The following NLRP5 variants were observed in gnomAD, a reference collection of about 807,000 sequenced individuals.
NLRP5 encodes NACHT, LRR and PYD domains-containing protein 5.
NLRP5 carries 93 observed loss-of-function variants against 113.1 expected under a neutral mutation model. The observed-to-expected ratio is 0.82, with a 90% CI of 0.70 to 0.98. The LOEUF is 0.98. NLRP5 is among the 50% of genes least tolerant of loss of function. The probability of loss-of-function intolerance (pLI) is 0.00; values close to 1 mark genes in which losing one functional copy is unlikely to be tolerated. For synonymous variants in NLRP5, 751 were observed against 600.7 expected (o/e 1.25, Z -3.66); for missense variants, 1,808 against 1,514.3 (o/e 1.19, Z -3.22).
intron 11 of NLRP5, among the ~76,000 whole-genome samples, chr19:56,041,392 T>C (rs1249275300): frequency 1.3e-5 from 2 of 152,184 alleles, no homozygotes; most frequent in African/African-American, 4.8e-5. Flanking sequence ...ATGGAGCCAT[T>C]GCCCCTGGGA....
upstream of NLRP5, among the ~76,000 whole-genome samples, chr19:55,999,039 C>G (rs1230268755): frequency 6.6e-6 from 1 of 151,668 alleles, no homozygotes; most frequent in African/African-American, 2.4e-5. Context: ...CAGGGGATCC[C>G]TAAAACTCAT....
At chr19:55,998,688 A>ATATATATATATGTGTGTGTGTGTG (rs1981440695), upstream of NLRP5, among the ~76,000 whole-genome samples, 2 of 50,294 alleles carry the variant, frequency 4.0e-5, no homozygotes, top group African/African-American at 2.0e-4. Flanking sequence ...ATATATATAT[A>ATATATATATATGTGTGTGTGTGTG]TATATATATA....
intron 7 of NLRP5, among the ~76,000 whole-genome samples, chr19:56,030,914 A>G (rs1198367281): frequency 1.3e-5 from 2 of 151,564 alleles, no homozygotes; most frequent in Non-Finnish European, 2.9e-5. Context: ...GGGTTTCACC[A>G]TATTGGCCAG....
intron 13 of NLRP5, among the ~76,000 whole-genome samples, chr19:56,054,660 C>G (rs1057496284): frequency 1.3e-5 from 2 of 151,678 alleles, no homozygotes; most frequent in Non-Finnish European, 2.9e-5. Flanking sequence ...CACAAAAGGT[C>G]ACCTGGTGTA....
upstream of NLRP5, among the ~76,000 whole-genome samples, chr19:55,999,212 C>CTTT (rs906346601): frequency 0.063 from 7,021 of 111,640 alleles, 364 homozygotes; most frequent in South Asian, 0.079. Context: ...TTTTCTTTTT[C>CTTT]TTTTTTTTTT....
At chr19:56,055,809 T>A (rs990015747) in intron 13 of NLRP5, among the ~76,000 whole-genome samples, 1 of 152,098 alleles carries the variant, frequency 6.6e-6, no homozygotes, top group African/African-American at 2.4e-5. Flanking sequence ...CCTCCCAAAG[T>A]GCTGGGATTA....
intron 2 of NLRP5, among the ~76,000 whole-genome samples, chr19:56,006,416 A>G (rs1981914502): frequency 7.0e-6 from 1 of 142,592 alleles, no homozygotes; most frequent in African/African-American, 2.7e-5. Flanking sequence ...CTAGAACTTA[A>G]AGTATAATTT....
chr19:56,039,447 G>A (rs1983436953), intron 10 of NLRP5, among the ~76,000 whole-genome samples: 1 of 152,176 alleles, frequency 6.6e-6, no homozygotes, highest in African/African-American at 2.4e-5. Flanking sequence ...TCAGCAGTGA[G>A]ACATCCAGGC....
intron 3 of NLRP5, among the ~76,000 whole-genome samples, chr19:56,012,686 T>C (rs1027739533): frequency 8.6e-5 from 13 of 151,900 alleles, no homozygotes; most frequent in Non-Finnish European, 1.6e-4. Flanking sequence ...GGAACGATCT[T>C]ACAATTATTT....
At chr19:56,022,523 C>G (rs1400821294) in intron 6 of NLRP5, among the ~76,000 whole-genome samples, 1 of 152,078 alleles carries the variant, frequency 6.6e-6, no homozygotes, top group Non-Finnish European at 1.5e-5. Flanking sequence ...GCCACTACGC[C>G]CAGCCAATCC....
At chr19:56,058,653 C>T (rs1474171884) in intron 14 of NLRP5, among the ~76,000 whole-genome samples, 2 of 152,156 alleles carry the variant, frequency 1.3e-5, no homozygotes, top group Admixed American at 1.3e-4. Context: ...GGGAAGGGCA[C>T]AGAAAGAACG....
upstream of NLRP5, among the ~76,000 whole-genome samples, chr19:55,999,212 C>CA (rs1047561681): frequency 2.7e-5 from 3 of 111,714 alleles, no homozygotes; most frequent in Non-Finnish European, 5.3e-5. Context: ...TTTTCTTTTT[C>CA]TTTTTTTTTT....
chr19:56,004,396 G>T (rs903778368), intron 2 of NLRP5, among the ~76,000 whole-genome samples: 19 of 152,188 alleles, frequency 1.2e-4, no homozygotes, highest in African/African-American at 4.1e-4. Flanking sequence ...CGGGTCGGTT[G>T]TGAGACTTCG....
chr19:56,019,078 G>A (rs898672105), intron 4 of NLRP5, among the ~76,000 whole-genome samples: 8 of 152,114 alleles, frequency 5.3e-5, no homozygotes, highest in East Asian at 1.9e-4. Context: ...TTACAGGTGC[G>A]AACGACCACG....
Position 56,018,366 on chromosome 19 carries a change from C to A in NLRP5, c.566-976C>A, listed in dbSNP as rs193035997. 3.3e-5 allele frequency among the ~76,000 whole-genome samples: 5 copies of A among 152,280 alleles called. No homozygotes were observed. In the East Asian group the frequency reaches 9.6e-4, roughly 29 times the overall value. On this transcript the variant is annotated intron_variant, in intron 4 of 14. Coordinates refer to ENST00000390649, the MANE Select transcript of NLRP5 (RefSeq NM_153447.4). The stretch of plus-strand genomic sequence containing the variant: ...ATTTAGCCTCACATGGTAACTATTT[C>A]CTGATAAATATATATAGTGGTTATT...
In NLRP5 at chr19:56,006,963, T is replaced by A. The variant is rs189349811; in HGVS notation, c.443-1825T>A. On this transcript the variant is annotated intron_variant, in intron 2 of 14. Transcript: ENST00000390649. ...ACCTTGTTAGCCAGGATGGTCTCGATCTCCCGACCTTGTGATCCACCCACC... is the reference window on the plus strand; with the variant it reads ...ACCTTGTTAGCCAGGATGGTCTCGAACTCCCGACCTTGTGATCCACCCACC... Among the ~76,000 whole-genome samples, 498 of 151,192 alleles carry A rather than the reference T, an allele frequency of 3.3e-3. 15 individuals carry two copies. Among genetic ancestry groups the A allele is most frequent in the African/African-American group, 9.0e-3 (370 of 40,942 alleles).
At position 56,027,896 on chromosome 19, in the gene NLRP5, G is replaced by A. The variant is rs762936568; in HGVS notation, c.1663G>A (p.Gly555Arg). 1 of 1,613,880 alleles carries A rather than the reference G, an allele frequency of 6.2e-7. No individual in the cohort carries two copies. Among genetic ancestry groups the A allele is most frequent in the Admixed American group, 1.7e-5 (1 of 59,988 alleles). ...TGACGGTGACGACCTCATGGTTCAAGGACTCGGGGAGTCTGAGCTCCGTGC... is the reference window on the plus strand; with the variant it reads ...TGACGGTGACGACCTCATGGTTCAAAGACTCGGGGAGTCTGAGCTCCGTGC... Residue 555 changes from glycine to arginine, a missense_variant, in exon 7 of 15, where the codon GGA (glycine) becomes AGA (arginine). Coordinates refer to ENST00000390649, the MANE Select transcript of NLRP5 (RefSeq NM_153447.4).
chr19:55,997,179 G>A (rs1381982150), upstream of NLRP5, among the ~76,000 whole-genome samples: 1 of 151,876 alleles, frequency 6.6e-6, no homozygotes, highest in Non-Finnish European at 1.5e-5. Context: ...TTTTTGATGG[G>A]GTTGTTTGTT....
At chr19:56,029,610 A>G (rs1568492472) in intron 7 of NLRP5, among the ~76,000 whole-genome samples, 1 of 152,172 alleles carries the variant, frequency 6.6e-6, no homozygotes, top group African/African-American at 2.4e-5. Flanking sequence ...CTTGCTGAAT[A>G]GTGCAGGTCT....
Sources: gnomAD v4.1 joint callset for allele counts (sites outside exome capture counted in the v4.1 genomes callset) on GRCh38, gnomAD v4.1.1 for gene constraint, MANE v1.5 for transcripts, NCBI Gene and HGNC (gene_info 2026-07-23, HGNC 2026-07-21) for gene names.